PHACTR2: variants seen among roughly 807,000 people sequenced by gnomAD.
The protein encoded by PHACTR2 is phosphatase and actin regulator 2, also known as chromosome 6 open reading frame 56.
PHACTR2 carries 30 observed loss-of-function variants against 76.0 expected under a neutral mutation model. The observed-to-expected ratio is 0.39, with a 90% CI of 0.30 to 0.54. The LOEUF (loss-of-function observed/expected upper bound fraction) is 0.54, where lower values mean the gene tolerates loss of function less well. PHACTR2 is among the 20% of genes least tolerant of loss of function. The pLI, the probability that PHACTR2 is intolerant of heterozygous loss-of-function variation, is 0.61. For missense variants in PHACTR2, 696 were observed against 781.1 expected (o/e 0.89, Z 1.30); for synonymous variants, 292 against 292.5 (o/e 1.00, Z 0.02).
In PHACTR2 at chr6:143,800,554, C is replaced by T. The variant is rs1775930885; in HGVS notation, c.1846-6503C>T. ...GGGATTACAGGTGTGAGCCACCGCACCCAGCCCATCCCTTTATTTTGAGCC... is the reference window on the plus strand; with the variant it reads ...GGGATTACAGGTGTGAGCCACCGCATCCAGCCCATCCCTTTATTTTGAGCC... On this transcript the variant is annotated intron_variant, in intron 11 of 12. Transcript: ENST00000440869. The surrounding 1 kb of genome is among the most constrained non-coding windows in gnomAD (Gnocchi z 4.8). 6.6e-6 allele frequency among the ~76,000 whole-genome samples: 1 copy of T among 152,196 alleles called. No homozygotes were observed. The highest frequency in any genetic ancestry group is 2.4e-5 in the African/African-American group (1 of 41,436).
In PHACTR2 at chr6:143,549,057, C is replaced by T. The variant is rs767226322; in HGVS notation, c.217+11850C>T. Among the ~76,000 whole-genome samples the T allele has an allele frequency of 2.6e-5, 4 of 151,922 alleles. No homozygotes were observed. Among genetic ancestry groups the T allele is most frequent in the East Asian group, 1.9e-4 (1 of 5,174 alleles). ...CCATGAAGACAGGCATTCTCTCCCC[C>T]CGACCCAGATTGACATGGTGCCTGA... On this transcript the variant is annotated intron_variant, in intron 1 of 11. Coordinates refer to the PHACTR2 transcript ENST00000367584. The surrounding 1 kb of genome is among the most constrained non-coding windows in gnomAD (Gnocchi z 4.2).
chr6:143,681,835 C>G (rs917366513), intron 1 of PHACTR2, among the ~76,000 whole-genome samples: 1 of 152,152 alleles, frequency 6.6e-6, no homozygotes, highest in Admixed American at 6.5e-5. Flanking sequence ...TTGAAATGAC[C>G]GTTCTTTCCC....
In PHACTR2 at chr6:143,801,725, C is replaced by T. The variant is rs992793615; in HGVS notation, c.1846-5332C>T. Among the ~76,000 whole-genome samples the T allele has an allele frequency of 6.6e-6, 1 of 152,152 alleles. No individual in the cohort carries two copies. The highest frequency in any genetic ancestry group is 2.4e-5 in the African/African-American group (1 of 41,420). ...CAACTCATCAAACTCATTCTCCGTC[C>T]AGTTTTGTTCCCTTGCTGGCGAGGA... On this transcript the variant is annotated intron_variant, in intron 11 of 12. Coordinates refer to ENST00000440869, the MANE Select transcript of PHACTR2 (RefSeq NM_001100164.2). The surrounding 1 kb of genome is among the most constrained non-coding windows in gnomAD (Gnocchi z 4.6).
chr6:143,704,747 A>G (rs1297574754), intron 1 of PHACTR2, among the ~76,000 whole-genome samples: 1 of 152,126 alleles, frequency 6.6e-6, no homozygotes, highest in Non-Finnish European at 1.5e-5. Flanking sequence ...GCCATGTTAC[A>G]TGTAGCAGTG....
chr6:143,694,447 G>A (rs371982710), intron 1 of PHACTR2, among the ~76,000 whole-genome samples: 1 of 152,114 alleles, frequency 6.6e-6, no homozygotes, highest in African/African-American at 2.4e-5. Flanking sequence ...AACTAATGTG[G>A]CCACCTGACT....
rs936256570 is a variant in PHACTR2, at chr6:143,807,040, T to A, written c.1846-17T>A. The A allele has an allele frequency of 5.8e-5, 81 of 1,404,698 alleles. No individual in the cohort carries two copies. Among genetic ancestry groups the A allele is most frequent in the Non-Finnish European group, 7.9e-5 (79 of 999,392 alleles). The allele number at this position is 1,404,698 out of a possible 1,614,324, so 87.0% of individuals were successfully genotyped here. ...CCTAAATAACAGTTCTGTTTATCTA[T>A]TTTTTTTCCTGTTTAGGCAGCAATA... On this transcript the variant is annotated splice_polypyrimidine_tract_variant and intron_variant, in intron 11 of 12. Coordinates refer to ENST00000440869, the MANE Select transcript of PHACTR2 (RefSeq NM_001100164.2). The surrounding 1 kb of genome is among the most constrained non-coding windows in gnomAD (Gnocchi z 5.5).
rs1486490650 is a variant in PHACTR2, at chr6:143,819,084, A to G, written c.1923-4590A>G. Among the ~76,000 whole-genome samples, 1 of 152,170 alleles carries G rather than the reference A, an allele frequency of 6.6e-6. No homozygotes were observed. The highest frequency in any genetic ancestry group is 6.5e-5 in the Admixed American group (1 of 15,280). ...GCTTCTGATTGGACTCCTCAGTCAT[A>G]TAGAATTATTTATAGAGCTAACAAA... is the stretch of plus-strand genomic sequence containing the variant. On this transcript the variant is annotated intron_variant, in intron 12 of 12. Transcript: ENST00000440869. This position sits in a 1 kb window ranked among gnomAD's most constrained non-coding sequence, Gnocchi z 5.0.
At chr6:143,669,249 A>T (rs1777102029) in intron 1 of PHACTR2, among the ~76,000 whole-genome samples, 1 of 152,106 alleles carries the variant, frequency 6.6e-6, no homozygotes, top group African/African-American at 2.4e-5. Flanking sequence ...GTTTGTTGTG[A>T]TTTCTGTTCT....
At chr6:143,740,507 T>G (rs9484806) in intron 2 of PHACTR2, among the ~76,000 whole-genome samples, 145 of 1,054 alleles carry the variant, frequency 0.14, no homozygotes, top group Non-Finnish European at 0.15. Context: ...ATCCTTTTAA[T>G]TAAAAAAAAA....
At position 143,700,665 on chromosome 6, in the gene PHACTR2, C is replaced by T. The variant is rs1011175682; in HGVS notation, c.47-11351C>T. Reference sequence around the variant, plus strand: ...CTTCTCCCCTAAAGTTCTGTGCTGACGCACATTCCCAGCATGAACAGGGTG... The same window carrying T: ...CTTCTCCCCTAAAGTTCTGTGCTGATGCACATTCCCAGCATGAACAGGGTG... On this transcript the variant is annotated intron_variant, in intron 1 of 12. Transcript: ENST00000440869. This position sits in a 1 kb window ranked among gnomAD's most constrained non-coding sequence, Gnocchi z 4.1. Among the ~76,000 whole-genome samples the T allele has an allele frequency of 2.6e-5, 4 of 152,236 alleles. No homozygotes were observed. Among genetic ancestry groups the T allele is most frequent in the Admixed American group, 6.5e-5 (1 of 15,288 alleles).
intron 4 of PHACTR2, among the ~76,000 whole-genome samples, chr6:143,758,034 T>C (rs1398800854): frequency 1.3e-5 from 2 of 152,108 alleles, no homozygotes; most frequent in Admixed American, 6.6e-5. Context: ...ACATAGTTGG[T>C]AGCGTTCGAA....
intron 1 of PHACTR2, among the ~76,000 whole-genome samples, chr6:143,565,466 A>C (rs1775349804): frequency 6.6e-6 from 1 of 151,902 alleles, no homozygotes; most frequent in Non-Finnish European, 1.5e-5. Flanking sequence ...AAAATACAAA[A>C]AATTAGCCGG....
chr6:143,606,778 A>C (rs2128436664), upstream of PHACTR2, among the ~76,000 whole-genome samples: 1 of 152,272 alleles, frequency 6.6e-6, no homozygotes, highest in South Asian at 2.1e-4. Context: ...GATCCAAGCA[A>C]ATTTTTTAAA....
At chr6:143,579,022 G>C (rs978134232) in intron 1 of PHACTR2, among the ~76,000 whole-genome samples, 1 of 152,056 alleles carries the variant, frequency 6.6e-6, no homozygotes, top group African/African-American at 2.4e-5. Flanking sequence ...TCCTGCCTCA[G>C]CCTCTTGAGT....
chr6:143,565,059 A>T (rs1775343208), intron 1 of PHACTR2, among the ~76,000 whole-genome samples: 1 of 152,200 alleles, frequency 6.6e-6, no homozygotes, highest in African/African-American at 2.4e-5. Context: ...GATATGTTTC[A>T]TGAATTTTGT....
intron 1 of PHACTR2, among the ~76,000 whole-genome samples, chr6:143,573,125 G>A (rs549496125): frequency 2.6e-5 from 4 of 151,966 alleles, no homozygotes; most frequent in Non-Finnish European, 4.4e-5. Context: ...TATTACATTC[G>A]TGATCTTCCT....
At chr6:143,676,539 CTTTTG>C (rs758801762), upstream of PHACTR2, among the ~76,000 whole-genome samples, 1 of 152,146 alleles carries the variant, frequency 6.6e-6, no homozygotes, top group Non-Finnish European at 1.5e-5. This position sits in a 1 kb window ranked among gnomAD's most constrained non-coding sequence, Gnocchi z 4.8. Flanking sequence ...CCTTTAACCA[CTTTTG>C]TTTGTTTGTT....
intron 1 of PHACTR2, among the ~76,000 whole-genome samples, chr6:143,538,460 C>T (rs1190718953): frequency 6.6e-6 from 1 of 152,256 alleles, no homozygotes; most frequent in Non-Finnish European, 1.5e-5. Flanking sequence ...GATGTGCAAT[C>T]TTTGTAGGAT....
Position 143,571,319 on chromosome 6 carries a change from C to G in PHACTR2, c.217+34112C>G, listed in dbSNP as rs1775444679. 1.3e-5 allele frequency among the ~76,000 whole-genome samples: 2 copies of G among 152,336 alleles called. No homozygotes were observed. The highest frequency in any genetic ancestry group is 2.9e-5 in the Non-Finnish European group (2 of 68,028). On this transcript the variant is annotated intron_variant, in intron 1 of 11. Transcript: ENST00000367584. The surrounding 1 kb of genome is among the most constrained non-coding windows in gnomAD (Gnocchi z 4.6). ...GGAATTCTACTACAATGAAGAGCTA[C>G]CTCTTCTGAGCTATTTATTCATTCA...
Sources: allele counts gnomAD v4.1 joint callset (sites outside exome capture counted in the v4.1 genomes callset), GRCh38; gene constraint gnomAD v4.1.1; non-coding constraint Gnocchi (gnomAD v3.1); transcripts MANE v1.5; gene names NCBI Gene and HGNC (gene_info 2026-07-23, HGNC 2026-07-21).